IL1RL1: variants seen among roughly 807,000 people sequenced by gnomAD.
IL1RL1 encodes interleukin 1 receptor like 1, also known as interleukin-1 receptor-like 1.
A neutral mutation model predicts 50.9 loss-of-function variants in IL1RL1; 32 were observed. That is an observed-to-expected ratio of 0.63 (90% CI 0.47 to 0.84). IL1RL1 has a LOEUF of 0.84. Ranked by LOEUF, IL1RL1 falls within the 40% of genes least tolerant of loss-of-function variation. IL1RL1 has a pLI of 0.00. For synonymous variants in IL1RL1, 275 were observed against 236.0 expected, an observed-to-expected ratio of 1.17 and a Z score of -1.51; for missense variants, 773 against 662.9, an observed-to-expected ratio of 1.17 and a Z score of -1.82.
At chr2:102,349,367 A>C (rs577608361) in intron 10 of IL1RL1, 121 bp downstream of exon 10, 9 of 719,594 alleles carry the variant, frequency 1.3e-5, no homozygotes, top group African/African-American at 8.8e-5. Context: ...TTAAGACCAG[A>C]ACTTTAAATA....
chr2:102,345,823 G>A, intron 8 of IL1RL1: 1 of 985,476 alleles, frequency 1.0e-6, no homozygotes, highest in Middle Eastern at 5.2e-4. Flanking sequence ...AAGGTGCTAT[G>A]TGAGGGCCAT....
intron 1 of IL1RL1, among the ~76,000 whole-genome samples, chr2:102,327,686 C>T (rs1191596350): frequency 1.3e-5 from 2 of 152,062 alleles, no homozygotes; most frequent in Non-Finnish European, 2.9e-5. Flanking sequence ...ACCACCGATC[C>T]CACAGAAATA....
rs747985872 is a variant in IL1RL1, at chr2:102,340,775, A to G, written c.557A>G (p.Asn186Ser). ...GATTACACCTGTAAATTTATACACA[A>G]TGAAAATGGAGCCAATTATAGTGTG... is the stretch of plus-strand genomic sequence containing the variant. ...AGDYTCKFIH[N>S]ENGANYSVTA... The change falls in exon 5 of 11, where the codon AAT (asparagine) becomes AGT (serine). Residue 186 changes from asparagine to serine, a missense_variant. Coordinates refer to ENST00000233954, the MANE Select transcript of IL1RL1 (RefSeq NM_016232.5). The G allele has an allele frequency of 1.3e-6, 2 of 1,589,822 alleles. No homozygotes were observed. Among genetic ancestry groups the G allele is most frequent in the South Asian group, 1.1e-5 (1 of 87,074 alleles).
chr2:102,322,366 C>T (rs1573132367), intron 1 of IL1RL1, among the ~76,000 whole-genome samples: 1 of 152,190 alleles, frequency 6.6e-6, no homozygotes, highest in Non-Finnish European at 1.5e-5. Context: ...GAAATAAATT[C>T]AGAGCGGAAA....
At chr2:102,317,007 A>G (rs1174331877) in intron 1 of IL1RL1, among the ~76,000 whole-genome samples, 1 of 152,176 alleles carries the variant, frequency 6.6e-6, no homozygotes, top group African/African-American at 2.4e-5. Context: ...GTTTTCATGT[A>G]TACTCAGCTG....
chr2:102,321,506 G>A (rs12987782), intron 1 of IL1RL1, among the ~76,000 whole-genome samples: 12,657 of 152,214 alleles, frequency 0.083, 587 homozygotes, highest in Middle Eastern at 0.31. Flanking sequence ...GTTGGTATGT[G>A]CGGCCATGTT....
chr2:102,316,258 C>G (rs1253110221), intron 1 of IL1RL1, among the ~76,000 whole-genome samples: 3 of 152,204 alleles, frequency 2.0e-5, no homozygotes, highest in Non-Finnish European at 4.4e-5. Flanking sequence ...CCTGCTAAGA[C>G]TTGTCTGTCC....
chr2:102,348,792 G>C (rs970234499), intron 9 of IL1RL1, among the ~76,000 whole-genome samples: 3 of 152,176 alleles, frequency 2.0e-5, no homozygotes, highest in Non-Finnish European at 4.4e-5. Context: ...GGCCCCCTTA[G>C]TCATAGATTA....
At chr2:102,332,070 A>AAAT (rs952859152) in intron 1 of IL1RL1, among the ~76,000 whole-genome samples, 1 of 152,102 alleles carries the variant, frequency 6.6e-6, no homozygotes, top group African/African-American at 2.4e-5. Context: ...CTTGCCTCAG[A>AAAT]AATAATAATA....
At chr2:102,352,042 T>C (rs1677952068), downstream of IL1RL1, 2 of 1,039,400 alleles carry the variant, frequency 1.9e-6, no homozygotes, top group Non-Finnish European at 2.8e-6. Flanking sequence ...GGCCTCAGGT[T>C]TCATCTGGTA....
intron 1 of IL1RL1, among the ~76,000 whole-genome samples, chr2:102,314,157 C>T (rs1463277051): frequency 6.6e-6 from 1 of 152,082 alleles, no homozygotes; most frequent in Non-Finnish European, 1.5e-5. Flanking sequence ...GCAGCAGCAG[C>T]AGCAGTCGAC....
At chr2:102,335,269 C>A (rs970589095) in intron 1 of IL1RL1, among the ~76,000 whole-genome samples, 4 of 152,018 alleles carry the variant, frequency 2.6e-5, no homozygotes, top group African/African-American at 9.7e-5. Flanking sequence ...TAGTTCTTTT[C>A]AAAGAAGAAA....
At chr2:102,343,921 AG>A (rs2104993937) in intron 8 of IL1RL1, 3 of 995,342 alleles carry the variant, frequency 3.0e-6, no homozygotes, top group Non-Finnish European at 3.6e-6. Context: ...AGAAAATCCT[AG>A]GTGCTACTTT....
At chr2:102,340,901 G>T (rs1227457873) in intron 5 of IL1RL1, 73 bp downstream of exon 5, 2 of 1,262,568 alleles carry the variant, frequency 1.6e-6, no homozygotes, top group African/African-American at 1.6e-5. Context: ...TGCCCTTCTG[G>T]TTGGGTTTCT....
At chr2:102,326,750 A>G (rs1559597837) in intron 1 of IL1RL1, among the ~76,000 whole-genome samples, 1 of 152,208 alleles carries the variant, frequency 6.6e-6, no homozygotes. Context: ...ATCAAAAGAG[A>G]CACAGAAGGC....
chr2:102,340,936 T>C (rs1384988607), intron 5 of IL1RL1, 108 bp downstream of exon 5: 3 of 822,410 alleles, frequency 3.6e-6, no homozygotes, highest in Admixed American at 6.9e-5. Flanking sequence ...CTCCCTTTAC[T>C]TCCTCCTGCT....
At chr2:102,317,960 C>T (rs1469589843) in intron 1 of IL1RL1, among the ~76,000 whole-genome samples, 2 of 151,994 alleles carry the variant, frequency 1.3e-5, no homozygotes, top group East Asian at 1.9e-4. Context: ...GGAGCAGGCT[C>T]GGGAGGCCAA....
At chr2:102,352,085 T>C, downstream of IL1RL1, 2 of 686,398 alleles carry the variant, frequency 2.9e-6, no homozygotes, top group Non-Finnish European at 4.6e-6. Context: ...TCTGGGTGGA[T>C]GCAAAATGGC....
chr2:102,325,523 A>G (rs1676972030), intron 1 of IL1RL1, among the ~76,000 whole-genome samples: 1 of 152,212 alleles, frequency 6.6e-6, no homozygotes, highest in East Asian at 1.9e-4. Flanking sequence ...ACGAGTTGAG[A>G]GAAGAAGGCT....
Sources: allele counts gnomAD v4.1 joint callset (sites outside exome capture counted in the v4.1 genomes callset), GRCh38; gene constraint gnomAD v4.1.1; transcripts MANE v1.5; gene names NCBI Gene and HGNC (gene_info 2026-07-23, HGNC 2026-07-21).